LRRIQ1: variants seen among roughly 807,000 people sequenced by gnomAD.
The protein encoded by LRRIQ1 is leucine rich repeats and IQ motif containing 1.
In LRRIQ1, 210 loss-of-function variants were observed where a neutral mutation model predicts 211.9. The ratio of observed to expected loss-of-function variants is 0.99; its 90% CI spans 0.89 to 1.11. LRRIQ1 has a LOEUF of 1.11. Among genes scored for constraint, LRRIQ1 ranks in the 50% most tolerant of loss-of-function variants. The pLI is 0.00. For synonymous variants in LRRIQ1, 699 were observed against 650.1 expected (o/e 1.08, Z -1.14); for missense variants, 2,136 against 1,939.5 (o/e 1.10, Z -1.90).
rs1273190201 is a variant in LRRIQ1 at position 85,157,114 on chromosome 12, A to C, written c.4720+3020A>C. 2.0e-5 allele frequency among the ~76,000 whole-genome samples: 3 copies of C among 151,880 alleles called. 1 individual carries two copies. The Admixed American group carries it at 2.0e-4, about 10-fold the overall frequency. On this transcript the variant is annotated intron_variant, in intron 23 of 26. Transcript: ENST00000393217. ...CAAAAAGCAGAGGGTCAATTAATTT[A>C]AGAAAGTAGAATGTAATGGAATCAG...
chr12:85,049,965 T>C (rs1880102638), intron 6 of LRRIQ1, among the ~76,000 whole-genome samples: 1 of 152,224 alleles, frequency 6.6e-6, no homozygotes, highest in Non-Finnish European at 1.5e-5. Flanking sequence ...CATTTTAGAC[T>C]TCATTTTCTC....
At chr12:85,172,897 A>C (rs1288839949) in intron 24 of LRRIQ1, among the ~76,000 whole-genome samples, 3 of 151,982 alleles carry the variant, frequency 2.0e-5, no homozygotes, top group Admixed American at 2.0e-4. Context: ...TCACAAGATC[A>C]AGAGATCGAG....
intron 15 of LRRIQ1, among the ~76,000 whole-genome samples, chr12:85,112,380 T>C (rs1440966339): frequency 6.6e-6 from 1 of 151,598 alleles, no homozygotes. Flanking sequence ...ATAAATAGGC[T>C]ATTTCTATAC....
intron 24 of LRRIQ1, among the ~76,000 whole-genome samples, chr12:85,188,057 C>T (rs1892315540): frequency 2.0e-5 from 3 of 151,826 alleles, no homozygotes; most frequent in Admixed American, 2.0e-4. Flanking sequence ...TGTCTTTATG[C>T]TGTGTGCTGC....
In LRRIQ1 at chr12:85,160,707, C is replaced by A. The variant is rs2136727246; in HGVS notation, c.4815C>A (p.Tyr1605Ter). ...TGGTACAGCCCAGAAGAGATGGTTA[C>A]TTTGAAGGTATGGCTTAATAACAGA... Reference protein sequence around the residue: ...PKMVQPRRDGYFEGIEEDPIH... With the variant: ...PKMVQPRRDG Residue 1605 changes from tyrosine (Y) to a stop codon, truncating the protein, a stop_gained, in exon 24 of 27, where the codon TAC becomes TAA. Coordinates refer to ENST00000393217, the MANE Select transcript of LRRIQ1 (RefSeq NM_001079910.2). LOFTEE classifies it high-confidence loss of function. 6.3e-7 allele frequency: 1 copy of A among 1,577,058 alleles called. No individual in the cohort carries two copies. Among genetic ancestry groups the A allele is most frequent in the Non-Finnish European group, 8.7e-7 (1 of 1,152,318 alleles).
At chr12:85,116,798 C>T (rs1450219086) in intron 15 of LRRIQ1, among the ~76,000 whole-genome samples, 1 of 151,958 alleles carries the variant, frequency 6.6e-6, no homozygotes, top group South Asian at 2.1e-4. Flanking sequence ...AAAGTGAGAA[C>T]ATGTAGTATT....
intron 7 of LRRIQ1, among the ~76,000 whole-genome samples, chr12:85,053,793 C>T (rs1880624514): frequency 6.6e-6 from 1 of 152,142 alleles, no homozygotes; most frequent in Admixed American, 6.5e-5. Context: ...CTTCAAGCTC[C>T]GCCTCCTGGG....
chr12:85,268,668 T>C (rs1896473382), downstream of LRRIQ1, among the ~76,000 whole-genome samples: 1 of 142,660 alleles, frequency 7.0e-6, no homozygotes, highest in Non-Finnish European at 1.5e-5. Context: ...TGTAACTATG[T>C]AGCTACATTT....
At chr12:85,041,517 G>A (rs1878886545) in intron 3 of LRRIQ1, among the ~76,000 whole-genome samples, 1 of 151,448 alleles carries the variant, frequency 6.6e-6, no homozygotes, top group Non-Finnish European at 1.5e-5. Context: ...GTAAAGCTGA[G>A]CCACATGGTT....
intron 24 of LRRIQ1, among the ~76,000 whole-genome samples, chr12:85,214,474 A>G (rs1169260239): frequency 6.6e-6 from 1 of 152,138 alleles, no homozygotes; most frequent in African/African-American, 2.4e-5. Context: ...CATATAAGAC[A>G]GTGAATATCA....
At chr12:85,073,286 T>A (rs1157547455) in intron 11 of LRRIQ1, among the ~76,000 whole-genome samples, 188 bp downstream of exon 11, 1 of 152,040 alleles carries the variant, frequency 6.6e-6, no homozygotes, top group African/African-American at 2.4e-5. Flanking sequence ...ATATAACATA[T>A]AACATGCTTT....
chr12:85,237,936 GA>G (rs953954135), intron 26 of LRRIQ1, among the ~76,000 whole-genome samples: 9 of 151,584 alleles, frequency 5.9e-5, no homozygotes, highest in Admixed American at 5.9e-4. Flanking sequence ...AGCCTTGTAA[GA>G]AAAAAAATCA....
chr12:85,056,778 A>G lies in LRRIQ1; in HGVS notation c.1985A>G (p.Asp662Gly). The change falls in exon 8 of 27, where the codon GAT (aspartate) becomes GGT (glycine). Residue 662 changes from aspartate to glycine, a missense_variant. By Grantham distance (94) the Asp-to-Gly change is moderately conservative (BLOSUM62 -1). Coordinates refer to ENST00000393217, the MANE Select transcript of LRRIQ1 (RefSeq NM_001079910.2). ...NSGIVIFNTT[D>G]TMINIEGKRN... ...GGCATTGTGATTTTTAACACAACTGATACCATGATAAATATAGAAGGCAAA... is the reference window on the plus strand; with the variant it reads ...GGCATTGTGATTTTTAACACAACTGGTACCATGATAAATATAGAAGGCAAA... The G allele has an allele frequency of 6.2e-7, 1 of 1,609,252 alleles. No homozygotes were observed. The highest frequency in any genetic ancestry group is 8.5e-7 in the Non-Finnish European group (1 of 1,178,584).
At chr12:85,203,109 A>G (rs1362294638) in intron 24 of LRRIQ1, among the ~76,000 whole-genome samples, 2 of 152,176 alleles carry the variant, frequency 1.3e-5, no homozygotes, top group East Asian at 3.9e-4. Flanking sequence ...AGCTTCCCCC[A>G]TAGTGTTCTC....
intron 24 of LRRIQ1, among the ~76,000 whole-genome samples, chr12:85,207,421 T>C (rs573432114): frequency 1.3e-5 from 2 of 152,322 alleles, no homozygotes; most frequent in Non-Finnish European, 2.9e-5. Context: ...GTATTTTTGA[T>C]AACAGTCCTT....
intron 24 of LRRIQ1, among the ~76,000 whole-genome samples, chr12:85,227,157 A>G (rs543703740): frequency 6.6e-6 from 1 of 152,150 alleles, no homozygotes; most frequent in Non-Finnish European, 1.5e-5. Context: ...AGTCCCACCA[A>G]CAGTGTAAAA....
At chr12:85,133,765 T>A (rs193272475) in intron 18 of LRRIQ1, among the ~76,000 whole-genome samples, 1 of 152,250 alleles carries the variant, frequency 6.6e-6, no homozygotes, top group Admixed American at 6.5e-5. Flanking sequence ...ACTATACCTA[T>A]TCCTAGAAGC....
intron 24 of LRRIQ1, among the ~76,000 whole-genome samples, chr12:85,196,244 A>T (rs1049463257): frequency 2.4e-4 from 36 of 152,004 alleles, no homozygotes; most frequent in African/African-American, 8.7e-4. Context: ...GAAAATGGCC[A>T]TACTGCCCAA....
chr12:85,078,777 C>A (rs553315630), intron 11 of LRRIQ1, among the ~76,000 whole-genome samples: 69 of 152,012 alleles, frequency 4.5e-4, no homozygotes, highest in African/African-American at 1.5e-3. Context: ...TATTGAGGAC[C>A]TCTCTCAAAT....
Sources: gnomAD v4.1 joint callset for allele counts (sites outside exome capture counted in the v4.1 genomes callset) on GRCh38, gnomAD v4.1.1 for gene constraint, MANE v1.5 for transcripts, NCBI Gene and HGNC (gene_info 2026-07-23, HGNC 2026-07-21) for gene names.